The following CNTNAP2 variants were observed in gnomAD, a reference collection of about 807,000 sequenced individuals.
CNTNAP2 encodes contactin-associated protein-like 2.
Under a neutral mutation model 155.2 loss-of-function variants are expected in CNTNAP2, and 98 were observed. That is an observed-to-expected ratio of 0.63 (90% CI 0.54 to 0.75). The LOEUF is 0.75. Ranked by LOEUF, CNTNAP2 falls within the 30% of genes least tolerant of loss-of-function variation. The pLI, the probability that CNTNAP2 is intolerant of heterozygous loss-of-function variation, is 0.00. For synonymous variants in CNTNAP2, 651 were observed against 631.2 expected (o/e 1.03, Z -0.47); for missense variants, 1,727 against 1,688.1 (o/e 1.02, Z -0.40).
At chr7:148,313,690 G>A (rs541250720) in intron 21 of CNTNAP2, among the ~76,000 whole-genome samples, 2 of 152,298 alleles carry the variant, frequency 1.3e-5, no homozygotes, top group East Asian at 3.9e-4. Context: ...ACACCTTGAA[G>A]GCAAGGTTAA....
intron 1 of CNTNAP2, among the ~76,000 whole-genome samples, chr7:146,122,707 T>C (rs1797581599): frequency 6.6e-6 from 1 of 152,202 alleles, no homozygotes; most frequent in African/African-American, 2.4e-5. Flanking sequence ...TGGTATTATT[T>C]TACAGAGATG....
rs115134810 is a variant in CNTNAP2, at chr7:147,842,243, A to C, written c.2099-61322A>C. ...ATAGGTAGTAAGTAACAACTGTGTG[A>C]TCAGAGGAGAGCATTATCTCCAAAC... On this transcript the variant is annotated intron_variant, in intron 13 of 23. Coordinates refer to ENST00000361727, the MANE Select transcript of CNTNAP2 (RefSeq NM_014141.6). Among the ~76,000 whole-genome samples the C allele has an allele frequency of 7.4e-3, 1,128 of 152,358 alleles. 11 individuals carry two copies. The highest frequency in any genetic ancestry group is 0.026 in the African/African-American group (1,094 of 41,568).
chr7:147,650,900 A>G (rs1414013410), intron 13 of CNTNAP2, among the ~76,000 whole-genome samples: 2 of 152,198 alleles, frequency 1.3e-5, no homozygotes, highest in Admixed American at 1.3e-4. Context: ...CTTAACTAGT[A>G]TGTCCATCAT....
intron 15 of CNTNAP2, among the ~76,000 whole-genome samples, chr7:147,980,933 C>CAAAAAA (rs34927518): frequency 1.5e-4 from 14 of 94,004 alleles, no homozygotes; most frequent in Admixed American, 4.3e-4. Flanking sequence ...TCCATCTTAA[C>CAAAAAA]AAAAAAAAAA....
In CNTNAP2 at chr7:146,405,935, C is replaced by A. The variant is rs565235837; in HGVS notation, c.97+288962C>A. On this transcript the variant is annotated intron_variant, in intron 1 of 23. Coordinates refer to ENST00000361727, the MANE Select transcript of CNTNAP2 (RefSeq NM_014141.6). ...AACTGGGAGCAAATAATATTTAAAGCATGAGTGAGTAGTTGGAGGAGTATT... is the reference window on the plus strand; with the variant it reads ...AACTGGGAGCAAATAATATTTAAAGAATGAGTGAGTAGTTGGAGGAGTATT... Among the ~76,000 whole-genome samples the A allele has an allele frequency of 5.7e-3, 861 of 152,242 alleles. 7 individuals carry two copies. The highest frequency in any genetic ancestry group is 7.4e-3 in the Non-Finnish European group (505 of 68,010).
At chr7:147,107,067 C>T (rs903722639) in intron 4 of CNTNAP2, among the ~76,000 whole-genome samples, 10 of 152,164 alleles carry the variant, frequency 6.6e-5, no homozygotes, top group South Asian at 2.1e-4. Flanking sequence ...AGAGCTGTTC[C>T]GTTTGACTAG....
chr7:146,644,741 T>G (rs1799779395), intron 1 of CNTNAP2, among the ~76,000 whole-genome samples: 1 of 152,084 alleles, frequency 6.6e-6, no homozygotes, highest in African/African-American at 2.4e-5. Flanking sequence ...AAGAAATGGA[T>G]AAATTCCTCG....
Position 147,402,860 on chromosome 7 carries a change from A to C in CNTNAP2, c.1670+7080A>C, listed in dbSNP as rs140638910. Among the ~76,000 whole-genome samples the C allele has an allele frequency of 1.3e-3, 201 of 152,032 alleles. 1 individual carries two copies. The highest frequency in any genetic ancestry group is 4.6e-3 in the African/African-American group (190 of 41,504). On this transcript the variant is annotated intron_variant, in intron 10 of 23. Coordinates refer to ENST00000361727, the MANE Select transcript of CNTNAP2 (RefSeq NM_014141.6). ...CCTCAAAGGCCATCATAGGATTCCT[A>C]AGTCTCTGCTGTATAAACCAAATAT...
At chr7:147,531,179 G>A (rs1313137872) in intron 11 of CNTNAP2, among the ~76,000 whole-genome samples, 2 of 152,152 alleles carry the variant, frequency 1.3e-5, no homozygotes, top group Admixed American at 1.3e-4. Flanking sequence ...TTGAGTGTCT[G>A]TGGCTTTTCC....
chr7:147,453,237 TCTC>T (rs967365934), intron 10 of CNTNAP2, among the ~76,000 whole-genome samples: 14 of 152,272 alleles, frequency 9.2e-5, no homozygotes, highest in African/African-American at 3.1e-4. Context: ...CTGGTAAACT[TCTC>T]CTCATTGTTA....
At chr7:147,393,741 G>A (rs756668520) in intron 9 of CNTNAP2, among the ~76,000 whole-genome samples, 19 of 151,672 alleles carry the variant, frequency 1.3e-4, no homozygotes, top group Admixed American at 2.0e-4. Flanking sequence ...ACACACACAC[G>A]AGCCATATAT....
At chr7:147,152,596 A>G (rs1410814926) in intron 8 of CNTNAP2, among the ~76,000 whole-genome samples, 1 of 152,098 alleles carries the variant, frequency 6.6e-6, no homozygotes, top group Admixed American at 6.6e-5. Flanking sequence ...ACAATAATCA[A>G]TACCTCAAGT....
chr7:147,359,311 A>C (rs1796111140), intron 9 of CNTNAP2, among the ~76,000 whole-genome samples: 1 of 152,068 alleles, frequency 6.6e-6, no homozygotes, highest in African/African-American at 2.4e-5. Context: ...TATGAGCAAA[A>C]TCTGCTACCT....
chr7:146,436,119 G>A (rs1246395099), intron 1 of CNTNAP2, among the ~76,000 whole-genome samples: 2 of 152,094 alleles, frequency 1.3e-5, no homozygotes, highest in African/African-American at 4.8e-5. Flanking sequence ...AGAAAATACT[G>A]TTAATTACCT....
chr7:146,291,738 G>A (rs891314004), intron 1 of CNTNAP2, among the ~76,000 whole-genome samples: 2 of 152,102 alleles, frequency 1.3e-5, no homozygotes, highest in African/African-American at 4.8e-5. Context: ...TTTTTAAAAA[G>A]CCAATAGACT....
chr7:147,794,185 A>T (rs559414034), intron 13 of CNTNAP2, among the ~76,000 whole-genome samples: 1 of 151,988 alleles, frequency 6.6e-6, no homozygotes, highest in East Asian at 1.9e-4. Context: ...ACCTCCTATA[A>T]AATTTTAAAT....
chr7:146,977,858 G>A (rs1490280048), intron 3 of CNTNAP2, among the ~76,000 whole-genome samples: 8 of 152,116 alleles, frequency 5.3e-5, no homozygotes, highest in Non-Finnish European at 1.2e-4. Flanking sequence ...TACATGGGTT[G>A]ATATGGAAGA....
At chr7:146,380,897 C>T (rs1195787932) in intron 1 of CNTNAP2, among the ~76,000 whole-genome samples, 2 of 143,280 alleles carry the variant, frequency 1.4e-5, no homozygotes, top group African/African-American at 5.2e-5. Context: ...CCCTGGGGTT[C>T]ACGCCATTCT....
At chr7:147,979,732 C>G (rs563119258) in intron 15 of CNTNAP2, among the ~76,000 whole-genome samples, 1 of 152,262 alleles carries the variant, frequency 6.6e-6, no homozygotes, top group Non-Finnish European at 1.5e-5. Context: ...AAGTGATTCT[C>G]CAGCCTCAGC....
Sources: gnomAD v4.1 joint callset for allele counts (sites outside exome capture counted in the v4.1 genomes callset) on GRCh38, gnomAD v4.1.1 for gene constraint, MANE v1.5 for transcripts, NCBI Gene and HGNC (gene_info 2026-07-23, HGNC 2026-07-21) for gene names.